CYFIP2: variants seen among roughly 807,000 people sequenced by gnomAD.
CYFIP2 encodes cytoplasmic FMR1-interacting protein 2.
In CYFIP2, 29 loss-of-function variants were observed where a neutral mutation model predicts 158.7. The observed-to-expected ratio is 0.18, with a 90% CI of 0.14 to 0.25. CYFIP2 has a LOEUF of 0.25. CYFIP2 is among the 10% of genes least tolerant of loss of function. CYFIP2 has a pLI of 1.00. For synonymous variants in CYFIP2, 585 were observed against 617.6 expected (o/e 0.95, Z 0.78); for missense variants, 852 against 1,639.5 (o/e 0.52, Z 8.29).
intron 11 of CYFIP2, 142 bp from the exon 12 acceptor site, chr5:157,314,202 A>G: frequency 1.9e-6 from 2 of 1,063,396 alleles, no homozygotes; most frequent in Admixed American, 6.8e-5. Context: ...GCCTTCAGCA[A>G]GGCACTTGTC....
Position 157,393,206 on chromosome 5 carries a change from T to TGAA in CYFIP2, c.*207_*209dup, listed in dbSNP as rs1554124636. 3.7e-4 allele frequency: 112 copies of TGAA among 304,772 alleles called. No individual in the cohort carries two copies. The African/African-American group carries it at 4.8e-3, about 13-fold the overall frequency. 18.9% of individuals were successfully genotyped at this position (304,772 alleles called of 1,614,324 possible). A position where few individuals can be genotyped will look rare whatever the true frequency, so the allele number is the denominator to read the frequency against. On this transcript the variant is annotated 3_prime_UTR_variant, in exon 31 of 31. Coordinates refer to ENST00000620254, the MANE Select transcript of CYFIP2 (RefSeq NM_001037333.3). ...CATGCTGGTTTCTCCATAGCATAAA[T>TGAA]GAAAAAAAAAAAAAAAAAGTAAACA...
intron 21 of CYFIP2, among the ~76,000 whole-genome samples, chr5:157,337,640 C>G (rs1181337883): frequency 6.6e-6 from 1 of 152,240 alleles, no homozygotes; most frequent in Non-Finnish European, 1.5e-5. Flanking sequence ...ATGCTCTGGT[C>G]TCCATCTAGG....
rs1375982756 is a variant in CYFIP2, at chr5:157,311,376, G to A, written c.993-288G>A. ...GTAGTCCTAGAGAGGCTGTGTTCCC[G>A]CCCCTCTCATATTACTGGTAAGTAT... On this transcript the variant is annotated intron_variant, in intron 10 of 30. Coordinates refer to ENST00000620254, the MANE Select transcript of CYFIP2 (RefSeq NM_001037333.3). This position sits in a 1 kb window ranked among gnomAD's most constrained non-coding sequence, Gnocchi z 4.7. 4.5e-6 allele frequency: 2 copies of A among 446,348 alleles called. No homozygotes were observed. Among genetic ancestry groups the A allele is most frequent in the South Asian group, 4.3e-5 (2 of 46,230 alleles). 27.6% of individuals were successfully genotyped at this position (446,348 alleles called of 1,614,324 possible). A position where few individuals can be genotyped will look rare whatever the true frequency, so the allele number is the denominator to read the frequency against.
chr5:157,371,529 C>G (rs1267348349), intron 26 of CYFIP2, among the ~76,000 whole-genome samples: 1 of 152,140 alleles, frequency 6.6e-6, no homozygotes, highest in East Asian at 1.9e-4. Context: ...ATAAATCTGG[C>G]ATTCTTAGGA....
chr5:157,320,901 G>A lies in CYFIP2; in HGVS notation c.1671+99G>A, dbSNP rs188228399. 4.5e-5 allele frequency: 63 copies of A among 1,404,120 alleles called. 1 individual carries two copies. The East Asian group carries it at 1.2e-3, about 26-fold the overall frequency. The allele number at this position is 1,404,120 out of a possible 1,614,324, so 87.0% of individuals were successfully genotyped here. A position where few individuals can be genotyped will look rare whatever the true frequency, so the allele number is the denominator to read the frequency against. On this transcript the variant is annotated intron_variant, in intron 15 of 30. Coordinates refer to ENST00000620254, the MANE Select transcript of CYFIP2 (RefSeq NM_001037333.3). ...GCCATGGGCAGTGGGACTGGGAGCC[G>A]TCGGTCAGGAGGGGCAGGGTTGAGT...
At chr5:157,279,675 T>C (rs1289703919) in intron 1 of CYFIP2, among the ~76,000 whole-genome samples, 1 of 152,244 alleles carries the variant, frequency 6.6e-6, no homozygotes, top group African/African-American at 2.4e-5. Context: ...AAACCCATCA[T>C]GAATGCCCGC....
At position 157,361,395 on chromosome 5, in the gene CYFIP2, C is replaced by T; in HGVS notation, c.2909-73C>T. 1.2e-6 allele frequency: 2 copies of T among 1,602,766 alleles called. No individual in the cohort carries two copies. Among genetic ancestry groups the T allele is most frequent in the Admixed American group, 3.4e-5 (2 of 59,682 alleles). Reference sequence around the variant, plus strand: ...CCCAGAGTCAGGTCTGGGGCTGCCACTCAGTCATTGTTTCCCATAGACCCT... The same window carrying T: ...CCCAGAGTCAGGTCTGGGGCTGCCATTCAGTCATTGTTTCCCATAGACCCT... On this transcript the variant is annotated intron_variant, in intron 25 of 30. Coordinates refer to ENST00000620254, the MANE Select transcript of CYFIP2 (RefSeq NM_001037333.3). The surrounding 1 kb of genome is among the most constrained non-coding windows in gnomAD (Gnocchi z 4.4).
At chr5:157,335,476 C>T (rs1561739384) in intron 21 of CYFIP2, among the ~76,000 whole-genome samples, 1 of 152,206 alleles carries the variant, frequency 6.6e-6, no homozygotes, top group Non-Finnish European at 1.5e-5. Context: ...TGGGGTTTCA[C>T]TATGTTGGCC....
intron 11 of CYFIP2, among the ~76,000 whole-genome samples, chr5:157,313,950 C>T (rs1759936672): frequency 6.6e-6 from 1 of 152,020 alleles, no homozygotes. Flanking sequence ...ATTGTTGAGG[C>T]TGGGTGTGGT....
At chr5:157,304,456 C>CT in intron 8 of CYFIP2, 90 bp downstream of exon 8, 2 of 1,444,722 alleles carry the variant, frequency 1.4e-6, no homozygotes, top group South Asian at 2.7e-5. Context: ...AACAATGTTT[C>CT]TTTTTTCTTA....
intron 21 of CYFIP2, among the ~76,000 whole-genome samples, chr5:157,333,686 C>T (rs1213195089): frequency 6.6e-6 from 1 of 152,176 alleles, no homozygotes; most frequent in South Asian, 2.1e-4. Flanking sequence ...ATGGCCAACC[C>T]TCAGACACAG....
chr5:157,392,692 G>T (rs1295640553), intron 30 of CYFIP2, 141 bp from the exon 31 acceptor site: 2 of 916,870 alleles, frequency 2.2e-6, no homozygotes, highest in Non-Finnish European at 3.3e-6. Flanking sequence ...GCCAGATCCA[G>T]GGGATTCCAT....
intron 29 of CYFIP2, 25 bp downstream of exon 29, chr5:157,389,452 G>A (rs777715252): frequency 6.5e-7 from 1 of 1,535,456 alleles, no homozygotes; most frequent in Admixed American, 1.8e-5. Flanking sequence ...GAGAAGGCAG[G>A]GTTACCCCCA....
chr5:157,375,824 G>A (rs1376083628), intron 26 of CYFIP2: 2 of 152,158 alleles, frequency 1.3e-5, no homozygotes, highest in African/African-American at 4.8e-5. Flanking sequence ...TTAGTGTTAA[G>A]TGAGGTAATG....
At chr5:157,281,168 C>T (rs550813772) in intron 1 of CYFIP2, among the ~76,000 whole-genome samples, 2 of 152,296 alleles carry the variant, frequency 1.3e-5, no homozygotes. Flanking sequence ...TCTTATATTT[C>T]CTGTGAGTTG....
chr5:157,355,541 C>A (rs931197284), intron 23 of CYFIP2, among the ~76,000 whole-genome samples: 1 of 152,178 alleles, frequency 6.6e-6, no homozygotes, highest in Non-Finnish European at 1.5e-5. Flanking sequence ...CCAAGAGCAT[C>A]TAACTAGTGC....
At chr5:157,308,987 C>G (rs396898) in intron 9 of CYFIP2, among the ~76,000 whole-genome samples, 120,922 of 152,128 alleles carry the variant, frequency 0.79, 48,282 homozygotes, top group East Asian at 0.99. Context: ...GGCTCTGTAG[C>G]GTTCCCTGGA....
chr5:157,342,996 C>T (rs1404166286), intron 23 of CYFIP2: 1 of 1,614,224 alleles, frequency 6.2e-7, no homozygotes, highest in East Asian at 2.2e-5. Flanking sequence ...GGCATTTCCA[C>T]CAGGGGGAGC....
chr5:157,334,722 C>A (rs536274673), intron 21 of CYFIP2, among the ~76,000 whole-genome samples: 2 of 151,244 alleles, frequency 1.3e-5, no homozygotes, highest in African/African-American at 4.9e-5. Flanking sequence ...TTCAAAAGTG[C>A]GCAGGTCTTG....
Sources: allele counts gnomAD v4.1 joint callset (sites outside exome capture counted in the v4.1 genomes callset), GRCh38; gene constraint gnomAD v4.1.1; non-coding constraint Gnocchi (gnomAD v3.1); transcripts MANE v1.5; gene names NCBI Gene and HGNC (gene_info 2026-07-23, HGNC 2026-07-21).